Variants in BBS9 observed in about 807,000 individuals in gnomAD.
BBS9 encodes the protein Bardet-Biedl syndrome 9, also known as protein PTHB1.
A neutral mutation model predicts 117.7 loss-of-function variants in BBS9; 89 were observed. That is an observed-to-expected ratio of 0.76 (90% CI 0.64 to 0.90). The LOEUF (loss-of-function observed/expected upper bound fraction) is 0.90. Ranked by LOEUF, BBS9 falls within the 40% of genes least tolerant of loss-of-function variation. The pLI, the probability that BBS9 is intolerant of heterozygous loss-of-function variation, is 0.00. For synonymous variants in BBS9, 379 were observed against 370.9 expected (o/e 1.02, Z -0.25); for missense variants, 982 against 1,042.2 (o/e 0.94, Z 0.80).
chr7:33,499,233 T>TA (rs367958819), intron 19 of BBS9, among the ~76,000 whole-genome samples: 21 of 152,100 alleles, frequency 1.4e-4, no homozygotes, highest in African/African-American at 4.3e-4. Context: ...ATCAGACACT[T>TA]ACAGCTATGT....
intron 19 of BBS9, among the ~76,000 whole-genome samples, chr7:33,413,192 C>G (rs1257874794): frequency 6.6e-6 from 1 of 152,174 alleles, no homozygotes; most frequent in Middle Eastern, 3.2e-3. Context: ...TCCTACAACT[C>G]TCAGTATCTA....
At chr7:33,303,697 C>T (rs866413215) in intron 9 of BBS9, among the ~76,000 whole-genome samples, 8 of 151,974 alleles carry the variant, frequency 5.3e-5, no homozygotes, top group East Asian at 1.9e-4. Flanking sequence ...TTGGTGGAGA[C>T]GGGGTTTCGC....
At chr7:33,349,719 C>G (rs1818282598) in intron 13 of BBS9, among the ~76,000 whole-genome samples, 1 of 152,156 alleles carries the variant, frequency 6.6e-6, no homozygotes, top group Admixed American at 6.5e-5. Context: ...GCGTGAGCCA[C>G]CACTCCTGGC....
chr7:33,172,380 C>CA (rs1048248874), intron 4 of BBS9, among the ~76,000 whole-genome samples: 293 of 123,602 alleles, frequency 2.4e-3, no homozygotes, highest in African/African-American at 7.5e-3. Flanking sequence ...GACTCTGTCT[C>CA]AAAAAAAAAA....
At chr7:33,573,457 G>C (rs1858185410) in intron 21 of BBS9, among the ~76,000 whole-genome samples, 2 of 152,184 alleles carry the variant, frequency 1.3e-5, no homozygotes, top group South Asian at 4.2e-4. Flanking sequence ...GTGTACCCTA[G>C]ATATCAGGTT....
At position 33,534,234 on chromosome 7, in the gene BBS9, T is replaced by A. The variant is rs2129059691; in HGVS notation, c.2521+58T>A. The A allele has an allele frequency of 4.5e-6, 7 of 1,538,650 alleles. No individual in the cohort carries two copies. The South Asian group carries it at 8.0e-5, about 18-fold the overall frequency. On this transcript the variant is annotated intron_variant, in intron 21 of 22. Coordinates refer to ENST00000242067, the MANE Select transcript of BBS9 (RefSeq NM_198428.3). ...TTGTACTTCTCCTAAATTAGAGGAA[T>A]GTGCCTGTGGTTGTATTTGGGGTTT...
chr7:33,524,433 T>G (rs998173011), intron 20 of BBS9, among the ~76,000 whole-genome samples: 5 of 152,206 alleles, frequency 3.3e-5, no homozygotes, highest in African/African-American at 4.8e-5. Flanking sequence ...CAGCTCCTGT[T>G]ATTGGTTTAT....
chr7:33,527,760 C>T (rs140409029), intron 20 of BBS9, among the ~76,000 whole-genome samples: 1 of 152,208 alleles, frequency 6.6e-6, no homozygotes, highest in African/African-American at 2.4e-5. Flanking sequence ...ATTTGGCCAT[C>T]TTGGCTCCTC....
At chr7:33,129,485 C>T (rs146118845), upstream of BBS9, 1,900 of 195,202 alleles carry the variant, frequency 9.7e-3, 35 homozygotes, top group African/African-American at 0.042. Flanking sequence ...CTTTGCGCCT[C>T]AGCCTCTCTG....
intron 15 of BBS9, among the ~76,000 whole-genome samples, chr7:33,355,341 A>T (rs1819431703): frequency 1.3e-5 from 2 of 151,926 alleles, no homozygotes; most frequent in Non-Finnish European, 2.9e-5. Context: ...GATGAACCTC[A>T]TGTCTAAAAA....
At chr7:33,146,410 A>T (rs1792356590) in intron 2 of BBS9, 46 bp downstream of exon 2, 3 of 1,482,996 alleles carry the variant, frequency 2.0e-6, no homozygotes, top group Admixed American at 1.7e-5. Context: ...TTTTAAAGAG[A>T]TCAAATAAGA....
chr7:33,551,818 T>A (rs1295553085), intron 21 of BBS9, among the ~76,000 whole-genome samples: 1 of 152,166 alleles, frequency 6.6e-6, no homozygotes, highest in Non-Finnish European at 1.5e-5. Flanking sequence ...TTCTTATGAC[T>A]TTTTTTCAGT....
At chr7:33,140,151 A>T (rs1350202513) in intron 1 of BBS9, among the ~76,000 whole-genome samples, 1 of 151,976 alleles carries the variant, frequency 6.6e-6, no homozygotes, top group African/African-American at 2.4e-5. Context: ...CAGCCTCCCG[A>T]GTAGCTGGGA....
downstream of BBS9, among the ~76,000 whole-genome samples, chr7:33,607,294 T>C (rs1864630609): frequency 6.6e-6 from 1 of 152,136 alleles, no homozygotes; most frequent in Non-Finnish European, 1.5e-5. Flanking sequence ...CAGTTTATGC[T>C]GAGAGGAAGC....
intron 5 of BBS9, among the ~76,000 whole-genome samples, chr7:33,249,718 A>AT (rs1280760438): frequency 6.6e-6 from 1 of 152,044 alleles, no homozygotes; most frequent in Non-Finnish European, 1.5e-5. Flanking sequence ...TTTAAAAATT[A>AT]TTTTTTCCTG....
intron 15 of BBS9, among the ~76,000 whole-genome samples, chr7:33,354,189 T>C (rs1819211423): frequency 6.6e-6 from 1 of 152,090 alleles, no homozygotes. Flanking sequence ...ATAATTAAGC[T>C]TTAGGGAGTG....
At chr7:33,212,888 C>A (rs1039723379) in intron 5 of BBS9, among the ~76,000 whole-genome samples, 2 of 152,172 alleles carry the variant, frequency 1.3e-5, no homozygotes, top group Non-Finnish European at 2.9e-5. Context: ...TGTGCTGAGC[C>A]ACCTGGAACT....
intron 19 of BBS9, among the ~76,000 whole-genome samples, chr7:33,416,778 G>A (rs532483910): frequency 1.3e-5 from 2 of 152,212 alleles, no homozygotes; most frequent in East Asian, 1.9e-4. Context: ...GTGGCCATTC[G>A]AAGTCACATG....
At position 33,316,441 on chromosome 7, in the gene BBS9, T is replaced by G. The variant is rs368314452; in HGVS notation, c.1017-20000T>G. The stretch of plus-strand genomic sequence containing the variant: ...GAGAAGATTTGCTGAGTTAAAGGGT[T>G]GTTATATATTTATTCTTTAAGAAAC... On this transcript the variant is annotated intron_variant, in intron 9 of 22. Coordinates refer to ENST00000242067, the MANE Select transcript of BBS9 (RefSeq NM_198428.3). Among the ~76,000 whole-genome samples, 10 of 152,310 alleles carry G rather than the reference T, an allele frequency of 6.6e-5. No homozygotes were observed. The East Asian group carries it at 1.9e-3, about 29-fold the overall frequency.
Sources: allele counts gnomAD v4.1 joint callset (sites outside exome capture counted in the v4.1 genomes callset), GRCh38; gene constraint gnomAD v4.1.1; transcripts MANE v1.5; gene names NCBI Gene and HGNC (gene_info 2026-07-23, HGNC 2026-07-21).